Variants in RNF150 observed in about 807,000 individuals in gnomAD.
RNF150 encodes the protein ring finger protein 150.
RNF150 carries 24 observed loss-of-function variants against 39.3 expected under a neutral mutation model. That is an observed-to-expected ratio of 0.61 (90% confidence interval 0.44 to 0.86). RNF150 has a LOEUF of 0.86. Ranked by LOEUF, RNF150 falls within the 40% of genes least tolerant of loss-of-function variation. The probability of loss-of-function intolerance (pLI) is 0.00; values close to 1 mark genes in which losing one functional copy is unlikely to be tolerated. For synonymous variants in RNF150, 255 were observed against 227.3 expected, an observed-to-expected ratio of 1.12 and a Z score of -1.10; for missense variants, 502 against 587.8, an observed-to-expected ratio of 0.85 and a Z score of 1.51.
intron 1 of RNF150, among the ~76,000 whole-genome samples, chr4:141,210,804 T>TG (rs1553955452): frequency 6.6e-6 from 1 of 151,888 alleles, no homozygotes; most frequent in African/African-American, 2.4e-5. Flanking sequence ...AGTGTCCAGC[T>TG]AAAAAAAACC....
At chr4:141,166,015 GT>G (rs949387117) in intron 1 of RNF150, among the ~76,000 whole-genome samples, 5 of 152,032 alleles carry the variant, frequency 3.3e-5, no homozygotes, top group Non-Finnish European at 7.4e-5. Flanking sequence ...CCAGGAGCTA[GT>G]TTTTTGAAAA....
rs1334408810 is a variant in RNF150 at position 140,863,232 on chromosome 4, T to C, written c.*5029A>G. On this transcript the variant is annotated 3_prime_UTR_variant, in exon 7 of 7. Transcript: ENST00000515673. ...CAGGCGAATGAGGAGGGTCAAATGC[T>C]GAGGGTGGGAGAAAGCAGATCTAGA... 1 of 152,154 alleles carries C rather than the reference T, an allele frequency of 6.6e-6. No individual in the cohort carries two copies. Among genetic ancestry groups the C allele is most frequent in the Non-Finnish European group, 1.5e-5 (1 of 68,026 alleles). The allele number at this position is 152,154 out of a possible 1,614,324, so 9.4% of individuals were successfully genotyped here.
chr4:141,208,364 G>GA (rs112449771), intron 1 of RNF150, among the ~76,000 whole-genome samples: 11 of 150,144 alleles, frequency 7.3e-5, no homozygotes, highest in Admixed American at 2.6e-4. Flanking sequence ...ATTAAGCAAG[G>GA]AAAAAAAAAG....
At chr4:141,177,604 A>C (rs896468322) in intron 1 of RNF150, among the ~76,000 whole-genome samples, 1 of 152,090 alleles carries the variant, frequency 6.6e-6, no homozygotes, top group Non-Finnish European at 1.5e-5. Context: ...AATTTTTCTT[A>C]AGGAGAATTT....
chr4:141,196,811 C>A (rs1728208503), intron 1 of RNF150, among the ~76,000 whole-genome samples: 1 of 152,108 alleles, frequency 6.6e-6, no homozygotes, highest in South Asian at 2.1e-4. Context: ...TCACCCTTCC[C>A]CTGCCTCAGC....
At chr4:141,196,959 GTTT>G (rs1728211263) in intron 1 of RNF150, among the ~76,000 whole-genome samples, 3 of 152,184 alleles carry the variant, frequency 2.0e-5, no homozygotes, top group Admixed American at 2.0e-4. Context: ...CCAAGGTGAA[GTTT>G]TGCTCATATC....
At chr4:140,985,360 C>T (rs1425201748) in intron 1 of RNF150, among the ~76,000 whole-genome samples, 1 of 152,164 alleles carries the variant, frequency 6.6e-6, no homozygotes, top group African/African-American at 2.4e-5. Context: ...AACCACCAAA[C>T]TGCCTATCTG....
chr4:140,992,774 G>A (rs901041369), intron 1 of RNF150, among the ~76,000 whole-genome samples: 1 of 152,152 alleles, frequency 6.6e-6, no homozygotes, highest in Non-Finnish European at 1.5e-5. Flanking sequence ...CAACTGTGAA[G>A]TTGGCCATCC....
At chr4:140,978,864 C>G (rs1275847063) in intron 1 of RNF150, among the ~76,000 whole-genome samples, 1 of 152,072 alleles carries the variant, frequency 6.6e-6, no homozygotes, top group Non-Finnish European at 1.5e-5. Context: ...TGAAACAAAT[C>G]ATAGAATACT....
intron 1 of RNF150, among the ~76,000 whole-genome samples, chr4:141,182,958 G>A (rs1420732799): frequency 1.3e-5 from 2 of 151,848 alleles, no homozygotes; most frequent in Non-Finnish European, 2.9e-5. Context: ...AACCAAAACA[G>A]CCTGGTACTG....
At chr4:141,126,664 C>T (rs879467972) in intron 1 of RNF150, among the ~76,000 whole-genome samples, 2 of 152,156 alleles carry the variant, frequency 1.3e-5, no homozygotes, top group African/African-American at 2.4e-5. Flanking sequence ...CCTCCAGGTA[C>T]TCTTTCCACT....
intron 5 of RNF150, among the ~76,000 whole-genome samples, chr4:140,922,224 C>T (rs184151696): frequency 0.54 from 80,725 of 148,288 alleles, 22,549 homozygotes; most frequent in East Asian, 0.89. Flanking sequence ...AAAACCCCAT[C>T]GTCTCAGCCC....
intron 1 of RNF150, among the ~76,000 whole-genome samples, chr4:141,211,588 G>T (rs931849120): frequency 1.3e-5 from 2 of 151,874 alleles, no homozygotes; most frequent in Non-Finnish European, 2.9e-5. Flanking sequence ...AGCACTAAGG[G>T]TTATTTATAC....
At chr4:141,063,429 T>C (rs145322874) in intron 1 of RNF150, among the ~76,000 whole-genome samples, 2,596 of 152,322 alleles carry the variant, frequency 0.017, 28 homozygotes, top group South Asian at 0.039. Context: ...ATTTTTCTTT[T>C]TGAATAAGCA....
intron 6 of RNF150, among the ~76,000 whole-genome samples, chr4:140,873,189 A>G (rs1227715585): frequency 6.6e-6 from 1 of 152,212 alleles, no homozygotes; most frequent in Non-Finnish European, 1.5e-5. Flanking sequence ...TTTGTCTTCG[A>G]AAAAGGAAGA....
chr4:141,047,239 T>G lies in RNF150; in HGVS notation c.485-79366A>C, dbSNP rs1411854382. Among the ~76,000 whole-genome samples the G allele has an allele frequency of 2.0e-5, 3 of 152,140 alleles. No homozygotes were observed. In the East Asian group the frequency reaches 5.8e-4, roughly 29 times the overall value. On this transcript the variant is annotated intron_variant, in intron 1 of 6. Transcript: ENST00000515673. ...GAAAAACTAGCTTTACTTGCTAGTT[T>G]TTTACATATGTTAAAACGCTATGAC... is the stretch of plus-strand genomic sequence containing the variant.
chr4:141,009,810 T>G (rs1735007778), intron 1 of RNF150, among the ~76,000 whole-genome samples: 2 of 152,182 alleles, frequency 1.3e-5, no homozygotes, highest in African/African-American at 4.8e-5. Context: ...ATATTTGACT[T>G]TGATTTTGGG....
Position 140,865,219 on chromosome 4 carries a change from T to C in RNF150, c.*3042A>G, listed in dbSNP as rs1456324399. 2.0e-5 allele frequency: 3 copies of C among 152,234 alleles called. No individual in the cohort carries two copies. Among genetic ancestry groups the C allele is most frequent in the Non-Finnish European group, 1.5e-5 (1 of 68,036 alleles). The allele number at this position is 152,234 out of a possible 1,614,324, so 9.4% of individuals were successfully genotyped here. ...ACATTAGTGACATGTTGAAACAATA[T>C]TAGGTTAAAGTACATGATTAAAATT... On this transcript the variant is annotated 3_prime_UTR_variant, in exon 7 of 7. Coordinates refer to ENST00000515673, the MANE Select transcript of RNF150 (RefSeq NM_020724.2).
intron 1 of RNF150, among the ~76,000 whole-genome samples, chr4:141,049,659 C>T (rs1736705150): frequency 6.6e-6 from 1 of 152,032 alleles, no homozygotes; most frequent in South Asian, 2.1e-4. Flanking sequence ...TCATTCAGTG[C>T]CAATGACATT....
Sources: allele counts gnomAD v4.1 joint callset (sites outside exome capture counted in the v4.1 genomes callset), GRCh38; gene constraint gnomAD v4.1.1; transcripts MANE v1.5; gene names NCBI Gene and HGNC (gene_info 2026-07-23, HGNC 2026-07-21).